The following GPM6A variants were observed in gnomAD, a reference collection of about 807,000 sequenced individuals.
GPM6A encodes the protein glycoprotein M6A.
A neutral mutation model predicts 32.1 loss-of-function variants in GPM6A; 7 were observed. The ratio of observed to expected loss-of-function variants is 0.22; its 90% confidence interval spans 0.12 to 0.41. The LOEUF is 0.41. Among genes scored for constraint, GPM6A ranks in the 10% least tolerant of loss-of-function variants. GPM6A has a pLI of 1.00. For missense variants in GPM6A, 235 were observed against 347.2 expected (o/e 0.68, Z 2.57); for synonymous variants, 130 against 123.4 (o/e 1.05, Z -0.35).
chr4:175,729,471 C>G (rs1318384626), intron 1 of GPM6A, among the ~76,000 whole-genome samples: 1 of 152,024 alleles, frequency 6.6e-6, no homozygotes. Flanking sequence ...TATTTAAAGT[C>G]AGTTTCTCAT....
intron 1 of GPM6A, chr4:175,906,931 A>G (rs1255731528): frequency 3.3e-5 from 5 of 152,136 alleles, no homozygotes; most frequent in Non-Finnish European, 7.4e-5. Context: ...AATAGGTAAA[A>G]TTACCTTCAG....
At chr4:175,817,257 G>A (rs1018547807), upstream of GPM6A, among the ~76,000 whole-genome samples, 7 of 152,196 alleles carry the variant, frequency 4.6e-5, no homozygotes, top group African/African-American at 1.7e-4. Context: ...CATAATCATA[G>A]AAAGCAGTCA....
chr4:175,731,843 T>C (rs1465263489), intron 1 of GPM6A, among the ~76,000 whole-genome samples: 2 of 152,152 alleles, frequency 1.3e-5, no homozygotes, highest in African/African-American at 2.4e-5. Context: ...CCGCTAGCCT[T>C]GCCGCTCCTC....
At chr4:175,669,656 G>T (rs891290242) in intron 3 of GPM6A, among the ~76,000 whole-genome samples, 5 of 152,088 alleles carry the variant, frequency 3.3e-5, no homozygotes, top group African/African-American at 1.2e-4. Context: ...CTTATATATG[G>T]AAGAACATTA....
chr4:175,933,059 G>A (rs922609697), intron 1 of GPM6A, among the ~76,000 whole-genome samples: 13 of 151,674 alleles, frequency 8.6e-5, no homozygotes, highest in Non-Finnish European at 1.6e-4. Context: ...TACAAGAAAT[G>A]TCTTTATATA....
At chr4:175,748,362 A>T (rs1732189701) in intron 1 of GPM6A, among the ~76,000 whole-genome samples, 1 of 152,224 alleles carries the variant, frequency 6.6e-6, no homozygotes, top group Non-Finnish European at 1.5e-5. Context: ...TTAAATAATA[A>T]GGTTTGAAAG....
intron 2 of GPM6A, among the ~76,000 whole-genome samples, chr4:175,686,803 T>C (rs1315442803): frequency 6.6e-6 from 1 of 152,240 alleles, no homozygotes; most frequent in Non-Finnish European, 1.5e-5. Flanking sequence ...TTGTTCTGTA[T>C]GTAAAGATTG....
At chr4:175,970,743 G>C (rs1740475826) in intron 1 of GPM6A, 1 of 392,482 alleles carries the variant, frequency 2.5e-6, no homozygotes, top group Middle Eastern at 4.7e-4. Context: ...TGAAATAAAA[G>C]GTCACATTAA....
intron 1 of GPM6A, among the ~76,000 whole-genome samples, chr4:175,860,715 TAA>T (rs1736549116): frequency 6.6e-6 from 1 of 152,174 alleles, no homozygotes; most frequent in African/African-American, 2.4e-5. Context: ...ACACCAACAG[TAA>T]AGATCACTCA....
intron 1 of GPM6A, among the ~76,000 whole-genome samples, chr4:175,896,903 G>T (rs1398434784): frequency 1.3e-5 from 2 of 151,742 alleles, no homozygotes; most frequent in African/African-American, 4.8e-5. Flanking sequence ...TCTTTGAGGT[G>T]GCATCTTTCA....
At chr4:175,757,427 C>T (rs955023563) in intron 1 of GPM6A, among the ~76,000 whole-genome samples, 7 of 152,216 alleles carry the variant, frequency 4.6e-5, no homozygotes, top group African/African-American at 1.2e-4. Context: ...CCCAAATTCC[C>T]GGCCCACAGT....
intron 6 of GPM6A, among the ~76,000 whole-genome samples, chr4:175,637,863 A>G (rs920688315): frequency 8.1e-6 from 1 of 122,870 alleles, no homozygotes; most frequent in Non-Finnish European, 1.6e-5. Flanking sequence ...TATATAATCT[A>G]TTTATATATA....
intron 1 of GPM6A, among the ~76,000 whole-genome samples, chr4:175,991,367 G>A (rs62340605): frequency 1.2e-3 from 188 of 151,740 alleles, no homozygotes; most frequent in Middle Eastern, 3.4e-3. Context: ...TAGCCACTGC[G>A]CCTGGCCTAA....
chr4:175,846,990 T>C (rs1736112027), intron 1 of GPM6A, among the ~76,000 whole-genome samples: 1 of 152,256 alleles, frequency 6.6e-6, no homozygotes, highest in African/African-American at 2.4e-5. Context: ...ACATGTGCTG[T>C]ATAAGTAAGA....
intron 4 of GPM6A, among the ~76,000 whole-genome samples, chr4:175,645,443 G>A (rs1449922370): frequency 6.6e-5 from 10 of 151,966 alleles, no homozygotes; most frequent in Admixed American, 4.6e-4. Context: ...ATTGTAGGCC[G>A]GGTGGGGTGG....
intron 6 of GPM6A, among the ~76,000 whole-genome samples, chr4:175,636,295 T>TATATATATATATAC (rs201852466): frequency 9.7e-5 from 13 of 133,400 alleles, no homozygotes; most frequent in South Asian, 2.3e-4. Context: ...TATATATATA[T>TATATATATATATAC]ATACATATAT....
intron 1 of GPM6A, among the ~76,000 whole-genome samples, chr4:175,993,003 C>A (rs1741197290): frequency 6.6e-6 from 1 of 152,132 alleles, no homozygotes; most frequent in African/African-American, 2.4e-5. Flanking sequence ...TATTCCACGG[C>A]ATTTTCAGTG....
intron 1 of GPM6A, among the ~76,000 whole-genome samples, chr4:175,764,525 A>T (rs1188520540): frequency 6.6e-6 from 1 of 152,170 alleles, no homozygotes; most frequent in Non-Finnish European, 1.5e-5. Flanking sequence ...TTCCAAATAA[A>T]AATTAAGAAA....
At chr4:175,705,057 C>G (rs909200918) in intron 1 of GPM6A, among the ~76,000 whole-genome samples, 6 of 152,208 alleles carry the variant, frequency 3.9e-5, no homozygotes, top group African/African-American at 1.4e-4. Flanking sequence ...TGGACCAGTT[C>G]TAGCCTCCAC....
Sources: allele counts gnomAD v4.1 joint callset (sites outside exome capture counted in the v4.1 genomes callset), GRCh38; gene constraint gnomAD v4.1.1; transcripts MANE v1.5; gene names NCBI Gene and HGNC (gene_info 2026-07-23, HGNC 2026-07-21).